Variants in CHRDL1 observed in about 807,000 individuals in gnomAD.
CHRDL1 encodes the protein chordin like 1.
In CHRDL1, 19 loss-of-function variants were observed where a neutral mutation model predicts 40.9. The ratio of observed to expected loss-of-function variants is 0.46; its 90% CI spans 0.32 to 0.68. CHRDL1 has a LOEUF of 0.68. Among genes scored for constraint, CHRDL1 ranks in the 30% least tolerant of loss-of-function variants. The pLI, the probability that CHRDL1 is intolerant of heterozygous loss-of-function variation, is 0.03. For synonymous variants in CHRDL1, 136 were observed against 123.4 expected, an observed-to-expected ratio of 1.10 and a Z score of -0.68; for missense variants, 329 against 352.1, an observed-to-expected ratio of 0.93 and a Z score of 0.53.
At chrX:110,735,644 C>T (rs905195113) in intron 4 of CHRDL1, among the ~76,000 whole-genome samples, 8 of 112,029 alleles carry the variant, frequency 7.1e-5, no homozygotes, top group African/African-American at 2.6e-4. Flanking sequence ...AGAGAAAATG[C>T]TCCCCTGTGA....
At chrX:110,726,556 C>G (rs1381006748) in intron 4 of CHRDL1, among the ~76,000 whole-genome samples, 4 of 112,071 alleles carry the variant, frequency 3.6e-5, no homozygotes, top group Admixed American at 2.8e-4. Context: ...CCAGTTCAAA[C>G]AGACTAAGAC....
At chrX:110,722,826 G>A (rs999839977) in intron 4 of CHRDL1, among the ~76,000 whole-genome samples, 7 of 111,788 alleles carry the variant, frequency 6.3e-5, no homozygotes, top group Admixed American at 9.5e-5. Flanking sequence ...GAGAAATCAG[G>A]GGAGCTGTGT....
intron 6 of CHRDL1, among the ~76,000 whole-genome samples, chrX:110,705,310 C>G (rs1213035233): frequency 1.2e-5 from 1 of 81,800 alleles, no homozygotes; most frequent in Non-Finnish European, 2.2e-5. Context: ...TATATACACA[C>G]ACACATATAT....
rs1197047503 is a variant in CHRDL1 at position 110,673,959 on chromosome X, A to G, written c.*2272T>C. The stretch of plus-strand genomic sequence containing the variant: ...GTACATGTCCTGTGAGAACAGTGAA[A>G]GGGTAATACTGTTATGTTACTCTTA... On this transcript the variant is annotated 3_prime_UTR_variant, in exon 12 of 12. Transcript: ENST00000372042. 8.9e-6 allele frequency: 1 copy of G among 112,552 alleles called. No homozygotes were observed. The highest frequency in any genetic ancestry group is 3.2e-5 in the African/African-American group (1 of 30,959). The allele number at this position is 112,552 out of a possible 1,213,427, so 9.3% of individuals were successfully genotyped here.
intron 4 of CHRDL1, among the ~76,000 whole-genome samples, chrX:110,723,813 C>T (rs754361224): frequency 4.9e-4 from 55 of 112,638 alleles, no homozygotes; most frequent in African/African-American, 1.7e-3. Flanking sequence ...ATAAGTCGAT[C>T]TAACATCAAT....
At chrX:110,680,418 T>C (rs1016543253) in intron 10 of CHRDL1, among the ~76,000 whole-genome samples, 3 of 111,759 alleles carry the variant, frequency 2.7e-5, no homozygotes, top group East Asian at 2.8e-4. Context: ...GAGAAATGCA[T>C]TCTTTAGATA....
At chrX:110,783,539 C>A (rs145062849) in intron 2 of CHRDL1, among the ~76,000 whole-genome samples, 45 of 111,895 alleles carry the variant, frequency 4.0e-4, no homozygotes, top group African/African-American at 1.4e-3. Context: ...GCAGTATAAT[C>A]AATAACACAT....
At chrX:110,689,598 A>ATATATATCTATATATCTATATATC (rs1384469830) in intron 8 of CHRDL1, among the ~76,000 whole-genome samples, 1 of 18,294 alleles carries the variant, frequency 5.5e-5, no homozygotes, top group Non-Finnish European at 7.6e-5. Context: ...CTATATATCT[A>ATATATATCTATATATCTATATATC]TATATATCTA....
intron 6 of CHRDL1, among the ~76,000 whole-genome samples, chrX:110,714,368 T>A (rs1467675015): frequency 9.0e-6 from 1 of 111,720 alleles, no homozygotes; most frequent in East Asian, 2.8e-4. Flanking sequence ...ACAGACTGGA[T>A]AAAGAAAATG....
chrX:110,688,512 A>T, intron 9 of CHRDL1, 82 bp downstream of exon 9: 1 of 597,076 alleles, frequency 1.7e-6, no homozygotes, highest in Non-Finnish European at 2.8e-6. Flanking sequence ...ATGAAAGGTT[A>T]TGTTTCTGAT....
intron 4 of CHRDL1, among the ~76,000 whole-genome samples, chrX:110,733,170 A>C (rs923478560): frequency 8.9e-6 from 1 of 111,826 alleles, no homozygotes; most frequent in Non-Finnish European, 1.9e-5. Flanking sequence ...TCAGCTTGTG[A>C]TGTGCTGCCT....
intron 2 of CHRDL1, among the ~76,000 whole-genome samples, chrX:110,776,205 C>A (rs1372947638): frequency 2.7e-5 from 3 of 112,477 alleles, no homozygotes. Context: ...TTATGTAGAT[C>A]CAAGTTTCTG....
intron 4 of CHRDL1, among the ~76,000 whole-genome samples, chrX:110,752,841 T>C (rs990042681): frequency 1.8e-5 from 2 of 110,563 alleles, no homozygotes; most frequent in Non-Finnish European, 3.8e-5. Flanking sequence ...CAAACGAATA[T>C]AGAATTCAGA....
chrX:110,782,194 T>C (rs759119373), intron 2 of CHRDL1, among the ~76,000 whole-genome samples: 16 of 112,136 alleles, frequency 1.4e-4, no homozygotes, highest in Non-Finnish European at 2.6e-4. Flanking sequence ...GCATTTCCTA[T>C]GAGGCAGGAT....
chrX:110,753,056 G>A (rs184946248), intron 4 of CHRDL1, among the ~76,000 whole-genome samples: 4 of 111,545 alleles, frequency 3.6e-5, no homozygotes, highest in East Asian at 5.6e-4. Context: ...CCACTCCTAG[G>A]TATATACAAA....
intron 4 of CHRDL1, among the ~76,000 whole-genome samples, chrX:110,730,200 GT>G (rs1435279728): frequency 8.9e-6 from 1 of 112,204 alleles, no homozygotes; most frequent in Non-Finnish European, 1.9e-5. Context: ...GACAAGGTTT[GT>G]TTTTACCCCT....
chrX:110,758,130 C>CAAAAAAAAAAAAAAAAAAAAAAAAAAA (rs1165155426), intron 4 of CHRDL1, among the ~76,000 whole-genome samples: 1 of 82,840 alleles, frequency 1.2e-5, no homozygotes, highest in East Asian at 3.8e-4. Context: ...AACAAAAAAA[C>CAAAAAAAAAAAAAAAAAAAAAAAAAAA]AAAAAAAAAA....
rs1182881692 is a variant in CHRDL1, at chrX:110,689,093, T to A, written c.779-290A>T. On this transcript the variant is annotated intron_variant, in intron 8 of 11. Transcript: ENST00000372042. ...ATATGTATATATATATATATATATA[T>A]ATATATATATATATATATATTTTAA... Among the ~76,000 whole-genome samples, 135 of 85,481 alleles carry A rather than the reference T, an allele frequency of 1.6e-3. 3 individuals are homozygous for A. Among genetic ancestry groups the A allele is most frequent in the African/African-American group, 3.7e-3 (85 of 22,894 alleles). The allele number at this position is 85,481 out of a possible 115,157, so 74.2% of individuals were successfully genotyped here.
chrX:110,691,748 T>A (rs1180046651), intron 8 of CHRDL1, among the ~76,000 whole-genome samples: 2 of 111,684 alleles, frequency 1.8e-5, no homozygotes, highest in Non-Finnish European at 3.8e-5. Flanking sequence ...GCTGCTAGAA[T>A]ACTGGACACT....
Sources: allele counts gnomAD v4.1 joint callset (sites outside exome capture counted in the v4.1 genomes callset), GRCh38; gene constraint gnomAD v4.1.1; transcripts MANE v1.5; gene names NCBI Gene and HGNC (gene_info 2026-07-23, HGNC 2026-07-21).